The following ACBD6 variants were observed in gnomAD, a reference collection of about 807,000 sequenced individuals.
ACBD6 encodes acyl-CoA-binding domain-containing protein 6.
ACBD6 carries 28 observed loss-of-function variants against 37.2 expected under a neutral mutation model. The observed-to-expected ratio is 0.75, with a 90% CI of 0.56 to 1.03. The LOEUF (loss-of-function observed/expected upper bound fraction) is 1.03, where lower values mean the gene tolerates loss of function less well. Ranked by LOEUF, ACBD6 falls within the 50% of genes least tolerant of loss-of-function variation. The probability of loss-of-function intolerance (pLI) is 0.00; values close to 1 mark genes in which losing one functional copy is unlikely to be tolerated. For synonymous variants in ACBD6, 113 were observed against 126.8 expected (o/e 0.89, Z 0.73); for missense variants, 340 against 337.4 (o/e 1.01, Z -0.06).
chr1:180,420,003 G>A (rs1441964069), intron 4 of ACBD6, among the ~76,000 whole-genome samples: 3 of 152,224 alleles, frequency 2.0e-5, no homozygotes, highest in Non-Finnish European at 2.9e-5. Context: ...TATCATAGAA[G>A]GGTCCATGTA....
intron 5 of ACBD6, among the ~76,000 whole-genome samples, chr1:180,401,421 G>A (rs966024049): frequency 6.6e-6 from 1 of 151,888 alleles, no homozygotes; most frequent in Non-Finnish European, 1.5e-5. Flanking sequence ...TTAGTAACTC[G>A]TCCATAAACC....
intron 4 of ACBD6, among the ~76,000 whole-genome samples, chr1:180,424,997 T>C (rs1648526410): frequency 6.6e-6 from 1 of 152,186 alleles, no homozygotes; most frequent in South Asian, 2.1e-4. Context: ...TTTCACATAA[T>C]CTATAATTAT....
At chr1:180,286,583 T>C (rs1317422029), downstream of ACBD6, among the ~76,000 whole-genome samples, 2 of 152,306 alleles carry the variant, frequency 1.3e-5, no homozygotes, top group East Asian at 3.9e-4. Context: ...GTGTGGAATG[T>C]GAAAGACTTA....
At chr1:180,303,337 A>G (rs1650212637) in intron 7 of ACBD6, among the ~76,000 whole-genome samples, 1 of 151,068 alleles carries the variant, frequency 6.6e-6, no homozygotes, top group African/African-American at 2.4e-5. Context: ...TGAAAAGATC[A>G]ACAAAATTGA....
At chr1:180,322,335 T>A (rs1019506537) in intron 6 of ACBD6, among the ~76,000 whole-genome samples, 2 of 151,954 alleles carry the variant, frequency 1.3e-5, no homozygotes, top group African/African-American at 4.8e-5. Flanking sequence ...TTTTTGATCT[T>A]TGTCTGGTTT....
intron 1 of ACBD6, 139 bp downstream of exon 1, chr1:180,501,906 A>C (rs1340323482): frequency 1.3e-5 from 5 of 373,588 alleles, no homozygotes; most frequent in South Asian, 3.0e-5. Context: ...GCAGATGGTC[A>C]AAAAAAAAAA....
chr1:180,275,646 C>T (rs1391470584), intron 9 of ACBD6: 1 of 152,196 alleles, frequency 6.6e-6, no homozygotes, highest in Admixed American at 6.5e-5. Flanking sequence ...AATTGGAGGA[C>T]AGTTTTGGTC....
chr1:180,495,000 T>G (rs1423039014), intron 2 of ACBD6, among the ~76,000 whole-genome samples: 2 of 152,176 alleles, frequency 1.3e-5, no homozygotes, highest in Non-Finnish European at 2.9e-5. Flanking sequence ...TACTGTGGCA[T>G]GGGTGGGGCA....
intron 5 of ACBD6, among the ~76,000 whole-genome samples, chr1:180,406,579 AAAT>A (rs1227298844): frequency 5.3e-5 from 8 of 152,274 alleles, no homozygotes; most frequent in African/African-American, 1.9e-4. Flanking sequence ...TATGTATTTC[AAAT>A]AATAATTTAT....
At chr1:180,388,950 A>T (rs537592322) in intron 6 of ACBD6, among the ~76,000 whole-genome samples, 1 of 152,348 alleles carries the variant, frequency 6.6e-6, no homozygotes, top group Admixed American at 6.5e-5. Flanking sequence ...GTATTCATGG[A>T]CTTAATATTT....
At chr1:180,473,213 C>T (rs1029663060) in intron 3 of ACBD6, among the ~76,000 whole-genome samples, 3 of 151,982 alleles carry the variant, frequency 2.0e-5, no homozygotes, top group East Asian at 1.9e-4. Context: ...TTTGGGAGGC[C>T]GAGGCGGGCG....
chr1:180,335,309 T>C (rs1426410306), intron 6 of ACBD6, among the ~76,000 whole-genome samples: 1 of 152,052 alleles, frequency 6.6e-6, no homozygotes, highest in African/African-American at 2.4e-5. Flanking sequence ...TAACAGCTGA[T>C]CTCTCGGCAG....
At chr1:180,403,234 G>A (rs747527947) in intron 5 of ACBD6, among the ~76,000 whole-genome samples, 1 of 152,116 alleles carries the variant, frequency 6.6e-6, no homozygotes, top group Non-Finnish European at 1.5e-5. Context: ...TTTCTGGGGC[G>A]ACAGCAATGT....
chr1:180,314,841 GA>G lies in ACBD6; in HGVS notation c.664-120del, dbSNP rs1005455596. 4.0e-6 allele frequency: 3 copies of G among 756,518 alleles called. No individual in the cohort carries two copies. In the African/African-American group the frequency reaches 5.3e-5, roughly 13 times the overall value. The allele number at this position is 756,518 out of a possible 1,614,324, so 46.9% of individuals were successfully genotyped here. ...AGTTCCATAGGTTTATCAGACTTAG[GA>G]AAAGAAGTCAGTTAACTGAGCTTCA... On this transcript the variant is annotated intron_variant, in intron 6 of 7. Coordinates refer to ENST00000367595, the MANE Select transcript of ACBD6 (RefSeq NM_032360.4).
intron 4 of ACBD6, among the ~76,000 whole-genome samples, chr1:180,415,124 A>AAAACCAAAAACAAACAAACAAAC (rs1648028395): frequency 1.3e-5 from 2 of 151,834 alleles, no homozygotes; most frequent in Admixed American, 1.3e-4. Flanking sequence ...AACAAACAAA[A>AAAACCAAAAACAAACAAACAAAC]AAAACCAAAA....
intron 6 of ACBD6, among the ~76,000 whole-genome samples, chr1:180,376,788 T>G (rs1653453249): frequency 6.6e-6 from 1 of 152,168 alleles, no homozygotes; most frequent in African/African-American, 2.4e-5. Flanking sequence ...TGTACATCTA[T>G]TTATACGCCT....
chr1:180,305,654 G>A (rs1435754756), intron 7 of ACBD6, among the ~76,000 whole-genome samples: 1 of 152,254 alleles, frequency 6.6e-6, no homozygotes, highest in South Asian at 2.1e-4. Flanking sequence ...ACTGTTGGTG[G>A]GACTGTAAAC....
intron 3 of ACBD6, among the ~76,000 whole-genome samples, chr1:180,490,919 CT>C (rs1651473578): frequency 7.0e-6 from 1 of 142,252 alleles, no homozygotes; most frequent in African/African-American, 2.6e-5. Context: ...GATCCTACTA[CT>C]GTGCTCCAGT....
intron 3 of ACBD6, among the ~76,000 whole-genome samples, chr1:180,478,485 ATC>A (rs965607036): frequency 1.3e-5 from 2 of 148,306 alleles, no homozygotes; most frequent in Admixed American, 6.8e-5. Context: ...CGCTCTATAA[ATC>A]TCTCTTTTTT....
Sources: allele counts gnomAD v4.1 joint callset (sites outside exome capture counted in the v4.1 genomes callset), GRCh38; gene constraint gnomAD v4.1.1; transcripts MANE v1.5; gene names NCBI Gene and HGNC (gene_info 2026-07-23, HGNC 2026-07-21).